MARCHF1: variants seen among roughly 807,000 people sequenced by gnomAD.
MARCHF1 encodes the protein E3 ubiquitin-protein ligase MARCHF1.
In MARCHF1, 40 loss-of-function variants were observed where a neutral mutation model predicts 54.2. That is an observed-to-expected ratio of 0.74 (90% confidence interval 0.57 to 0.96). The LOEUF (loss-of-function observed/expected upper bound fraction) is 0.96. Ranked by LOEUF, MARCHF1 falls within the 40% of genes least tolerant of loss-of-function variation. The probability of loss-of-function intolerance (pLI) is 0.00; values close to 1 mark genes in which losing one functional copy is unlikely to be tolerated. For missense variants in MARCHF1, 586 were observed against 656.5 expected, an observed-to-expected ratio of 0.89 and a Z score of 1.17; for synonymous variants, 236 against 236.3, an observed-to-expected ratio of 1.00 and a Z score of 0.01.
chr4:163,717,186 T>C (rs1270821429), intron 4 of MARCHF1, among the ~76,000 whole-genome samples: 15 of 131,394 alleles, frequency 1.1e-4, no homozygotes, highest in African/African-American at 4.0e-4. Flanking sequence ...GTGATGTTCC[T>C]CTTCCTGTGT....
At chr4:164,192,722 G>T (rs56216012) in intron 1 of MARCHF1, among the ~76,000 whole-genome samples, 22,363 of 152,098 alleles carry the variant, frequency 0.15, 2,212 homozygotes, top group African/African-American at 0.26. Context: ...AATCATAAAA[G>T]TTAAAAGTAT....
intron 2 of MARCHF1, among the ~76,000 whole-genome samples, chr4:164,074,869 C>A (rs1210771811): frequency 6.6e-6 from 1 of 150,726 alleles, no homozygotes; most frequent in Admixed American, 6.6e-5. Flanking sequence ...GAATAAATTT[C>A]TTCTAAAATA....
intron 4 of MARCHF1, among the ~76,000 whole-genome samples, chr4:163,849,274 C>T (rs1749576722): frequency 6.6e-6 from 1 of 152,156 alleles, no homozygotes; most frequent in Admixed American, 6.6e-5. Flanking sequence ...AATTATCACA[C>T]TTGCCAAACT....
At chr4:164,027,392 A>AAAAAAAAAAAACAT (rs1553971149) in intron 2 of MARCHF1, among the ~76,000 whole-genome samples, 1 of 58,982 alleles carries the variant, frequency 1.7e-5, no homozygotes, top group Non-Finnish European at 3.3e-5. Context: ...AAAAAAAAAA[A>AAAAAAAAAAAACAT]AGATACATAG....
intron 1 of MARCHF1, among the ~76,000 whole-genome samples, chr4:164,113,934 C>T (rs1044455241): frequency 1.3e-5 from 2 of 151,750 alleles, no homozygotes; most frequent in African/African-American, 4.8e-5. Flanking sequence ...CTGTTTAACC[C>T]CAAAATAGGA....
chr4:163,707,137 T>C (rs1243732477), intron 4 of MARCHF1, among the ~76,000 whole-genome samples: 1 of 152,070 alleles, frequency 6.6e-6, no homozygotes, highest in Non-Finnish European at 1.5e-5. Context: ...AAAAAATCTT[T>C]GAAATAAGTC....
chr4:163,659,510 A>G (rs1386603518), intron 5 of MARCHF1, among the ~76,000 whole-genome samples: 1 of 152,150 alleles, frequency 6.6e-6, no homozygotes, highest in African/African-American at 2.4e-5. Context: ...CTTCATGACC[A>G]AAACACCAAA....
intron 3 of MARCHF1, among the ~76,000 whole-genome samples, chr4:163,954,601 T>G (rs35624441): frequency 0.19 from 28,665 of 152,174 alleles, 3,356 homozygotes; most frequent in South Asian, 0.34. Context: ...AAACAAATTA[T>G]AGCCATGATT....
chr4:163,724,712 C>T (rs1022115777), intron 4 of MARCHF1, among the ~76,000 whole-genome samples: 6 of 152,178 alleles, frequency 3.9e-5, no homozygotes, highest in South Asian at 2.1e-4. Context: ...CCATGGTGGG[C>T]GCCCCTCCCT....
rs191402021 is a variant in MARCHF1, at chr4:163,844,699, C to A, written c.111+9322G>T. Among the ~76,000 whole-genome samples the A allele has an allele frequency of 1.8e-3, 268 of 152,264 alleles. 1 individual carries two copies. Among genetic ancestry groups the A allele is most frequent in the Non-Finnish European group, 2.2e-3 (149 of 68,016 alleles). Reference sequence around the variant, plus strand: ...GAGAATATAGCCAATCATTCATTTTCTCTGTGATTCATTTATTCCTATTTT... The same window carrying A: ...GAGAATATAGCCAATCATTCATTTTATCTGTGATTCATTTATTCCTATTTT... On this transcript the variant is annotated intron_variant, in intron 4 of 9. Transcript: ENST00000514618.
At chr4:163,959,744 C>A (rs1752308207) in intron 3 of MARCHF1, among the ~76,000 whole-genome samples, 1 of 151,908 alleles carries the variant, frequency 6.6e-6, no homozygotes, top group South Asian at 2.1e-4. Flanking sequence ...CCATCCTGGA[C>A]ATAGGAATGG....
chr4:163,839,170 A>G (rs978770706), intron 4 of MARCHF1, among the ~76,000 whole-genome samples: 5 of 152,118 alleles, frequency 3.3e-5, no homozygotes, highest in African/African-American at 9.6e-5. Flanking sequence ...TTGATAAAAC[A>G]TCACTTCATA....
In MARCHF1 at chr4:163,585,827, T is replaced by TA; in HGVS notation, c.1112dup (p.Ser373GlufsTer8). ...CACAGCAGCGTGTATCTGAGCTCTT[T>TA]ATCCACTGGTGGAGGCAGGACTGGT... is the stretch of plus-strand genomic sequence containing the variant. On this transcript the variant is annotated frameshift_variant, in exon 8 of 10. Coordinates refer to ENST00000514618, the MANE Select transcript of MARCHF1 (RefSeq NM_001394959.1). LOFTEE classifies it high-confidence loss of function. The TA allele has an allele frequency of 6.2e-7, 1 of 1,614,080 alleles. No homozygotes were observed. Among genetic ancestry groups the TA allele is most frequent in the Non-Finnish European group, 8.5e-7 (1 of 1,179,968 alleles).
rs180680463 is a variant in MARCHF1, at chr4:164,062,097, G to A, written c.-248+49491C>T. Among the ~76,000 whole-genome samples the A allele has an allele frequency of 7.2e-4, 109 of 152,210 alleles. 1 individual carries two copies. Among genetic ancestry groups the A allele is most frequent in the Non-Finnish European group, 1.3e-3 (90 of 68,002 alleles). Reference sequence around the variant, plus strand: ...TTTGTAACATTCTAAATCCTTTATTGTTGTTTCAACAAGGTTCATATTTTC... The same window carrying A: ...TTTGTAACATTCTAAATCCTTTATTATTGTTTCAACAAGGTTCATATTTTC... On this transcript the variant is annotated intron_variant, in intron 2 of 9. Coordinates refer to ENST00000514618, the MANE Select transcript of MARCHF1 (RefSeq NM_001394959.1).
intron 3 of MARCHF1, among the ~76,000 whole-genome samples, chr4:163,869,364 C>T (rs1015197501): frequency 6.6e-6 from 1 of 151,928 alleles, no homozygotes; most frequent in Non-Finnish European, 1.5e-5. Flanking sequence ...TGGTAAATCC[C>T]AATAACAAGG....
At chr4:164,230,250 G>T (rs546651804) in intron 1 of MARCHF1, among the ~76,000 whole-genome samples, 1 of 152,054 alleles carries the variant, frequency 6.6e-6, no homozygotes, top group African/African-American at 2.4e-5. Context: ...ACAAAAATTA[G>T]CTGAGTGTAG....
At chr4:164,332,861 C>T (rs1315837166) in intron 1 of MARCHF1, among the ~76,000 whole-genome samples, 3 of 152,008 alleles carry the variant, frequency 2.0e-5, no homozygotes, top group African/African-American at 7.3e-5. Flanking sequence ...TGCCTATATA[C>T]TTTCATTATT....
At chr4:163,650,882 T>C (rs1022691728) in intron 5 of MARCHF1, among the ~76,000 whole-genome samples, 1 of 151,934 alleles carries the variant, frequency 6.6e-6, no homozygotes, top group African/African-American at 2.4e-5. Flanking sequence ...AGAAGCACTA[T>C]GTTGCGTTTA....
At chr4:164,111,292 C>T (rs1271867969) in intron 2 of MARCHF1, among the ~76,000 whole-genome samples, 1 of 151,696 alleles carries the variant, frequency 6.6e-6, no homozygotes, top group African/African-American at 2.4e-5. Flanking sequence ...TTGCCAAGGT[C>T]AAGCCAGCAT....
Sources: gnomAD v4.1 joint callset for allele counts (sites outside exome capture counted in the v4.1 genomes callset) on GRCh38, gnomAD v4.1.1 for gene constraint, MANE v1.5 for transcripts, NCBI Gene and HGNC (gene_info 2026-07-23, HGNC 2026-07-21) for gene names.